The following CEP85L variants were observed in gnomAD, a reference collection of about 807,000 sequenced individuals.
The protein encoded by CEP85L is centrosomal protein 85L.
In CEP85L, 60 loss-of-function variants were observed where a neutral mutation model predicts 100.3. The observed-to-expected ratio is 0.60, with a 90% CI of 0.49 to 0.74. The LOEUF is 0.74. Among genes scored for constraint, CEP85L ranks in the 30% least tolerant of loss-of-function variants. The pLI is 0.00. For synonymous variants in CEP85L, 319 were observed against 322.7 expected, an observed-to-expected ratio of 0.99 and a Z score of 0.12; for missense variants, 973 against 936.2, an observed-to-expected ratio of 1.04 and a Z score of -0.51.
chr6:118,467,139 C>G (rs1374886075), intron 12 of CEP85L, among the ~76,000 whole-genome samples: 1 of 152,008 alleles, frequency 6.6e-6, no homozygotes, highest in African/African-American at 2.4e-5. Flanking sequence ...GTCTGTGATG[C>G]ATTTGAAATA....
intron 3 of CEP85L, among the ~76,000 whole-genome samples, chr6:118,556,771 G>A (rs533988604): frequency 3.9e-5 from 6 of 152,118 alleles, no homozygotes; most frequent in South Asian, 2.1e-4. Context: ...TTTTTTCTCC[G>A]TTTTTCATTT....
At chr6:118,546,987 A>G (rs1778242777) in intron 3 of CEP85L, among the ~76,000 whole-genome samples, 1 of 152,050 alleles carries the variant, frequency 6.6e-6, no homozygotes, top group African/African-American at 2.4e-5. Flanking sequence ...CTAGAGATGG[A>G]TTTTCTTTCT....
intron 4 of CEP85L, among the ~76,000 whole-genome samples, chr6:118,519,592 G>GT (rs1776537138): frequency 1.1e-5 from 1 of 93,214 alleles, no homozygotes; most frequent in Non-Finnish European, 2.2e-5. Context: ...GGCGGGGGGG[G>GT]GGTGTGAAAC....
At chr6:118,490,141 A>G (rs1774459626) in intron 6 of CEP85L, among the ~76,000 whole-genome samples, 1 of 152,176 alleles carries the variant, frequency 6.6e-6, no homozygotes, top group African/African-American at 2.4e-5. Context: ...AATTCCACTT[A>G]TATGAGATAA....
intron 2 of CEP85L, among the ~76,000 whole-genome samples, chr6:118,621,773 C>T (rs1773460020): frequency 6.6e-6 from 1 of 152,208 alleles, no homozygotes; most frequent in Non-Finnish European, 1.5e-5. Context: ...TATCCTCGCC[C>T]TAAGACATTG....
chr6:118,709,171 T>C (rs748961847), intron 1 of CEP85L, among the ~76,000 whole-genome samples: 6 of 152,110 alleles, frequency 3.9e-5, no homozygotes, highest in Non-Finnish European at 5.9e-5. Flanking sequence ...GTGAGTTCTC[T>C]TATGGGAGGG....
intron 3 of CEP85L, chr6:118,537,776 C>A: frequency 2.0e-6 from 2 of 985,318 alleles, no homozygotes; most frequent in South Asian, 9.4e-5. Flanking sequence ...GACTGGAATA[C>A]AACCTCTGCA....
At chr6:118,502,112 G>A (rs990493603) in intron 5 of CEP85L, 5 of 1,126,496 alleles carry the variant, frequency 4.4e-6, no homozygotes, top group East Asian at 2.4e-5. Context: ...ATGAGACTGG[G>A]AATGACAACT....
chr6:118,643,047 T>C (rs991133926), intron 1 of CEP85L, among the ~76,000 whole-genome samples: 2 of 152,148 alleles, frequency 1.3e-5, no homozygotes, highest in African/African-American at 4.8e-5. Context: ...ACTACAAATA[T>C]ATACAACTTG....
chr6:118,652,575 G>T, upstream of CEP85L: 1 of 1,459,240 alleles, frequency 6.9e-7, no homozygotes, highest in Non-Finnish European at 9.0e-7. Context: ...CGCTTTTCCT[G>T]TTCTGGAATC....
chr6:118,627,552 G>C (rs1773882596), intron 2 of CEP85L, among the ~76,000 whole-genome samples: 1 of 152,202 alleles, frequency 6.6e-6, no homozygotes, highest in Non-Finnish European at 1.5e-5. Context: ...CAGCACCTAG[G>C]TGGGAAAACT....
Position 118,501,296 on chromosome 6 carries a change from G to C in CEP85L, c.1258-9431C>G, listed in dbSNP as rs1406339020. 8 of 366,624 alleles carry C rather than the reference G, an allele frequency of 2.2e-5. No homozygotes were observed. The East Asian group carries it at 5.7e-4, about 26-fold the overall frequency. 22.7% of individuals were successfully genotyped at this position (366,624 alleles called of 1,614,324 possible). ...GCCTTGGGGTGCCACTTCTGGTCCAGGCCAGGCGAGGTGGAGGACAGGAGC... is the reference window on the plus strand; with the variant it reads ...GCCTTGGGGTGCCACTTCTGGTCCACGCCAGGCGAGGTGGAGGACAGGAGC... On this transcript the variant is annotated intron_variant, in intron 5 of 12. Coordinates refer to ENST00000368491, the MANE Select transcript of CEP85L (RefSeq NM_001042475.3).
At chr6:118,692,602 A>G (rs1777080343) in intron 1 of CEP85L, among the ~76,000 whole-genome samples, 1 of 152,200 alleles carries the variant, frequency 6.6e-6, no homozygotes, top group Non-Finnish European at 1.5e-5. Context: ...ATATGAAAGC[A>G]TAAAATAAGA....
At chr6:118,627,789 T>C (rs546667422) in intron 2 of CEP85L, among the ~76,000 whole-genome samples, 20 of 152,308 alleles carry the variant, frequency 1.3e-4, no homozygotes, top group East Asian at 7.7e-4. Context: ...CTTAATAAGG[T>C]CTGCCCTCAG....
At chr6:118,660,007 G>A (rs955429744) in intron 1 of CEP85L, among the ~76,000 whole-genome samples, 12 of 152,154 alleles carry the variant, frequency 7.9e-5, no homozygotes, top group African/African-American at 2.9e-4. Flanking sequence ...CCAACTTTTA[G>A]AACAGATGGC....
chr6:118,481,894 C>T lies in CEP85L; in HGVS notation c.1630G>A (p.Ala544Thr), dbSNP rs982251297. The T allele has an allele frequency of 1.3e-6, 2 of 1,578,410 alleles. No homozygotes were observed. The highest frequency in any genetic ancestry group is 1.7e-6 in the Non-Finnish European group (2 of 1,161,638). The part of the protein sequence containing the change: ...LEEKNKNLQE[A>T]LIDTEKKLEE... ...AGTTTTTTTTCTGTATCTATCAAAG[C>T]CTCTTGTAAATTCTTATTTTTTTCT... is the stretch of plus-strand genomic sequence containing the variant. Residue 544 changes from alanine to threonine, a missense_variant, in exon 8 of 13, where the codon GCT (alanine) becomes ACT (threonine). This residue lies in a region of CEP85L where 890 missense variants were observed against 844.5 expected (regional missense o/e 1.05). Coordinates refer to ENST00000368491, the MANE Select transcript of CEP85L (RefSeq NM_001042475.3).
chr6:118,551,721 A>G (rs1778556567), intron 3 of CEP85L, among the ~76,000 whole-genome samples: 1 of 152,044 alleles, frequency 6.6e-6, no homozygotes, highest in Admixed American at 6.6e-5. Flanking sequence ...TTATGCATAT[A>G]CAATTATTTT....
At position 118,558,626 on chromosome 6, in the gene CEP85L, TACACACACACACACAC is replaced by T. The variant is rs371775061; in HGVS notation, c.1020+6887_1020+6902del. ...ACAGACACATAGAAACACGTGCACA[TACACACACACACACAC>T]ACACACACACACACACACAGAGAGA... On this transcript the variant is annotated intron_variant, in intron 3 of 12. Transcript: ENST00000368491. Among the ~76,000 whole-genome samples the T allele has an allele frequency of 3.0e-3, 331 of 111,666 alleles. 3 individuals are homozygous for T. Among genetic ancestry groups the T allele is most frequent in the African/African-American group, 0.01 (316 of 30,864 alleles). The allele number at this position is 111,666 out of a possible 152,430, so 73.3% of individuals were successfully genotyped here. A position where few individuals can be genotyped will look rare whatever the true frequency, so the allele number is the denominator to read the frequency against.
chr6:118,609,626 T>C (rs1037576595), intron 2 of CEP85L, among the ~76,000 whole-genome samples: 4 of 152,054 alleles, frequency 2.6e-5, no homozygotes, highest in African/African-American at 9.7e-5. Flanking sequence ...AAGTAAAGCA[T>C]GGAAACCACA....
Sources: allele counts gnomAD v4.1 joint callset (sites outside exome capture counted in the v4.1 genomes callset), GRCh38; gene constraint gnomAD v4.1.1; regional missense constraint gnomAD v4.1.1; transcripts MANE v1.5; gene names NCBI Gene and HGNC (gene_info 2026-07-23, HGNC 2026-07-21).